Variants in LARS2 observed in about 807,000 individuals in gnomAD.
LARS2 encodes leucyl-tRNA synthetase 2, mitochondrial.
Under a neutral mutation model 116.6 loss-of-function variants are expected in LARS2, and 81 were observed. The observed-to-expected ratio is 0.69, with a 90% CI of 0.58 to 0.84. The LOEUF is 0.84. LARS2 is among the 40% of genes least tolerant of loss of function. The pLI is 0.00. For synonymous variants in LARS2, 396 were observed against 407.2 expected, an observed-to-expected ratio of 0.97 and a Z score of 0.33; for missense variants, 968 against 1,114.5, an observed-to-expected ratio of 0.87 and a Z score of 1.87.
chr3:45,423,787 G>A (rs1698550958), intron 6 of LARS2, among the ~76,000 whole-genome samples: 1 of 151,976 alleles, frequency 6.6e-6, no homozygotes, highest in Non-Finnish European at 1.5e-5. Flanking sequence ...CTCTTGGTTT[G>A]GTGTGATCTT....
At chr3:45,504,423 A>G (rs1700169025) in intron 15 of LARS2, among the ~76,000 whole-genome samples, 1 of 152,082 alleles carries the variant, frequency 6.6e-6, no homozygotes, top group African/African-American at 2.4e-5. Context: ...GCATGCATGG[A>G]TTAAAAGAAG....
At position 45,429,155 on chromosome 3, in the gene LARS2, A is replaced by G. The variant is rs144504118; in HGVS notation, c.516+9426A>G. 4.7e-3 allele frequency among the ~76,000 whole-genome samples: 718 copies of G among 152,262 alleles called. 4 individuals carry two copies. The highest frequency in any genetic ancestry group is 8.2e-3 in the Non-Finnish European group (555 of 68,028). ...GCTGCTACCATAACAAATTATCACA[A>G]ACTTAGCATCTTAAAACAACATCAG... On this transcript the variant is annotated intron_variant, in intron 6 of 21. Coordinates refer to ENST00000645846, the MANE Select transcript of LARS2 (RefSeq NM_015340.4).
At chr3:45,464,093 C>T (rs1411292615) in intron 8 of LARS2, among the ~76,000 whole-genome samples, 1 of 152,176 alleles carries the variant, frequency 6.6e-6, no homozygotes, top group Admixed American at 6.5e-5. Flanking sequence ...TCCCTGCCCT[C>T]TTTGTTCCTG....
chr3:45,481,931 C>T (rs1482396728), intron 10 of LARS2, among the ~76,000 whole-genome samples: 1 of 152,126 alleles, frequency 6.6e-6, no homozygotes, highest in Admixed American at 6.5e-5. Context: ...TAAAAGGCCA[C>T]AAAGATTTAT....
At chr3:45,406,318 C>T (rs908634940) in intron 4 of LARS2, among the ~76,000 whole-genome samples, 10 of 152,024 alleles carry the variant, frequency 6.6e-5, no homozygotes, top group Non-Finnish European at 8.8e-5. Context: ...AGGCAGGTTG[C>T]GATATAGTCC....
At chr3:45,437,705 C>G (rs763049416) in intron 6 of LARS2, among the ~76,000 whole-genome samples, 7 of 152,160 alleles carry the variant, frequency 4.6e-5, no homozygotes, top group Non-Finnish European at 1.0e-4. Flanking sequence ...AATTTTGCCT[C>G]CTAGTGGCTG....
intron 10 of LARS2, among the ~76,000 whole-genome samples, chr3:45,483,382 C>G (rs1699739030): frequency 6.6e-6 from 1 of 152,220 alleles, no homozygotes; most frequent in Non-Finnish European, 1.5e-5. Flanking sequence ...GGTGCAATGG[C>G]TCATGTTTGT....
chr3:45,451,286 T>A (rs1699122636), intron 7 of LARS2, among the ~76,000 whole-genome samples: 2 of 152,106 alleles, frequency 1.3e-5, no homozygotes, highest in African/African-American at 2.4e-5. Context: ...TCCAAGCCAA[T>A]GTCCTGTAGC....
intron 8 of LARS2, among the ~76,000 whole-genome samples, chr3:45,467,896 G>C (rs936467417): frequency 1.3e-5 from 2 of 152,038 alleles, no homozygotes; most frequent in African/African-American, 4.8e-5. Context: ...AGACCAGCCT[G>C]GGCAACTGGC....
intron 11 of LARS2, among the ~76,000 whole-genome samples, chr3:45,487,172 C>T (rs1197231920): frequency 6.6e-6 from 1 of 152,192 alleles, no homozygotes; most frequent in Non-Finnish European, 1.5e-5. Context: ...ACAGTGTCTC[C>T]TTTTAAACAT....
At chr3:45,527,921 CTG>C (rs1488417511) in intron 20 of LARS2, among the ~76,000 whole-genome samples, 1 of 152,196 alleles carries the variant, frequency 6.6e-6, no homozygotes, top group Non-Finnish European at 1.5e-5. Context: ...TCTTATAACA[CTG>C]AGGCCTAGCT....
chr3:45,516,109 A>G lies in LARS2; in HGVS notation c.1877A>G (p.His626Arg). The G allele has an allele frequency of 6.2e-7, 1 of 1,614,138 alleles. No individual in the cohort carries two copies. Among genetic ancestry groups the G allele is most frequent in the Non-Finnish European group, 8.5e-7 (1 of 1,180,000 alleles). The change falls in exon 17 of 22, where the codon CAT (histidine) becomes CGT (arginine). Residue 626 changes from histidine (H) to arginine (R), a missense_variant. Physicochemically the swap from His to Arg is conservative, Grantham distance 29. Coordinates refer to ENST00000645846, the MANE Select transcript of LARS2 (RefSeq NM_015340.4). Reference protein sequence around the residue: ...EVDLTGSVPVHAKTKEKLEVT... With the variant: ...EVDLTGSVPVRAKTKEKLEVT... ...TGGCATCTAGGTTCCGTTCCTGTTCATGCAAAAACGAAAGAGAAGTTAGAG... is the reference window on the plus strand; with the variant it reads ...TGGCATCTAGGTTCCGTTCCTGTTCGTGCAAAAACGAAAGAGAAGTTAGAG...
chr3:45,511,793 T>TC (rs1261054108), intron 15 of LARS2, among the ~76,000 whole-genome samples: 1 of 142,650 alleles, frequency 7.0e-6, no homozygotes, highest in Non-Finnish European at 1.5e-5. Context: ...TTTTTTTTTT[T>TC]TGGAGACAGA....
rs148778580 is a variant in LARS2, at chr3:45,540,884, C to A, written c.2405-945C>A. On this transcript the variant is annotated intron_variant, in intron 20 of 21. Transcript: ENST00000645846. ...CACTACAGCCTCAAACTCCTGGGCT[C>A]AAGCAGTCCTCCTGCCTCAGCCTCC... is the stretch of plus-strand genomic sequence containing the variant. Among the ~76,000 whole-genome samples, 683 of 152,214 alleles carry A rather than the reference C, an allele frequency of 4.5e-3. 4 individuals carry two copies. The highest frequency in any genetic ancestry group is 7.9e-3 in the Non-Finnish European group (535 of 68,004).
At chr3:45,527,350 C>T (rs748335234) in intron 20 of LARS2, among the ~76,000 whole-genome samples, 2 of 152,084 alleles carry the variant, frequency 1.3e-5, no homozygotes, top group Non-Finnish European at 2.9e-5. Context: ...TCTTGCCGGG[C>T]GCGGTGGCTC....
chr3:45,415,105 C>G (rs773890472), intron 4 of LARS2, among the ~76,000 whole-genome samples: 1 of 152,158 alleles, frequency 6.6e-6, no homozygotes, highest in African/African-American at 2.4e-5. Context: ...TGACTGGCCA[C>G]TCATTTGCAG....
At chr3:45,470,353 T>G (rs1699499943) in intron 8 of LARS2, among the ~76,000 whole-genome samples, 1 of 152,232 alleles carries the variant, frequency 6.6e-6, no homozygotes, top group Non-Finnish European at 1.5e-5. Context: ...TATTCCTGAT[T>G]GTATTTTGTA....
chr3:45,521,101 A>G (rs1700446432), intron 19 of LARS2, among the ~76,000 whole-genome samples: 2 of 152,034 alleles, frequency 1.3e-5, no homozygotes, highest in South Asian at 4.1e-4. Flanking sequence ...TCAGGAGATC[A>G]AGACCATCCT....
chr3:45,425,136 A>G (rs1031499568), intron 6 of LARS2, among the ~76,000 whole-genome samples: 1 of 151,790 alleles, frequency 6.6e-6, no homozygotes, highest in Admixed American at 6.6e-5. Flanking sequence ...ATCTTCATAG[A>G]TCTTATATGT....
Sources: gnomAD v4.1 joint callset for allele counts (sites outside exome capture counted in the v4.1 genomes callset) on GRCh38, gnomAD v4.1.1 for gene constraint, MANE v1.5 for transcripts, NCBI Gene and HGNC (gene_info 2026-07-23, HGNC 2026-07-21) for gene names.